Variants in DCHS2 observed in about 807,000 individuals in gnomAD.
DCHS2 encodes the protein protocadherin-23.
A neutral mutation model predicts 182.4 loss-of-function variants in DCHS2; 142 were observed. That is an observed-to-expected ratio of 0.78 (90% confidence interval 0.68 to 0.89). The LOEUF is 0.89. Ranked by LOEUF, DCHS2 falls within the 40% of genes least tolerant of loss-of-function variation. The probability of loss-of-function intolerance (pLI) is 0.00; values close to 1 mark genes in which losing one functional copy is unlikely to be tolerated. For synonymous variants in DCHS2, 1,740 were observed against 1,663.3 expected (o/e 1.05, Z -1.12); for missense variants, 4,319 against 4,198.6 (o/e 1.03, Z -0.79).
intron 1 of DCHS2, among the ~76,000 whole-genome samples, chr4:154,427,439 C>T (rs1167865767): frequency 2.6e-5 from 4 of 152,166 alleles, no homozygotes; most frequent in East Asian, 3.9e-4. Context: ...TTCTCTTTTC[C>T]GTATGTCACT....
At chr4:154,469,009 T>C (rs566424721) in intron 1 of DCHS2, among the ~76,000 whole-genome samples, 17 of 152,186 alleles carry the variant, frequency 1.1e-4, no homozygotes, top group Non-Finnish European at 2.2e-4. Context: ...AACTTACATA[T>C]ATATCAAAAC....
intron 1 of DCHS2, among the ~76,000 whole-genome samples, chr4:154,422,853 C>T (rs1303972220): frequency 6.6e-6 from 1 of 152,162 alleles, no homozygotes; most frequent in East Asian, 1.9e-4. Flanking sequence ...CTTGTCCAGG[C>T]AATTCCCACG....
intron 14 of DCHS2, among the ~76,000 whole-genome samples, chr4:154,268,353 A>G (rs1298435118): frequency 6.6e-6 from 1 of 152,182 alleles, no homozygotes; most frequent in Admixed American, 6.5e-5. Flanking sequence ...CATGAATATA[A>G]GTACTGCAAT....
intron 1 of DCHS2, among the ~76,000 whole-genome samples, chr4:154,440,508 T>C (rs949057570): frequency 6.6e-6 from 1 of 152,194 alleles, no homozygotes; most frequent in Non-Finnish European, 1.5e-5. Flanking sequence ...GAAATTTTAA[T>C]ATTACAGACT....
At chr4:154,428,393 GC>G (rs1241630453) in intron 1 of DCHS2, among the ~76,000 whole-genome samples, 1 of 151,870 alleles carries the variant, frequency 6.6e-6, no homozygotes, top group African/African-American at 2.4e-5. Flanking sequence ...ATAAAAATTA[GC>G]CAGGCGTGGT....
At position 154,234,381 on chromosome 4, in the gene DCHS2, G is replaced by A; in HGVS notation, c.*155C>T. The A allele has an allele frequency of 9.4e-7, 1 of 1,067,858 alleles. No homozygotes were observed. The highest frequency in any genetic ancestry group is 1.9e-5 in the South Asian group (1 of 52,338). 66.1% of individuals were successfully genotyped at this position (1,067,858 alleles called of 1,614,324 possible). A position where few individuals can be genotyped will look rare whatever the true frequency, so the allele number is the denominator to read the frequency against. ...CTTTTCATTAAGGCTGGAAGAAATT[G>A]GAGAAACTTTAATGGGGAAGTTTTA... On this transcript the variant is annotated 3_prime_UTR_variant, in exon 20 of 20. Coordinates refer to ENST00000357232, the MANE Select transcript of DCHS2 (RefSeq NM_001358235.2).
At chr4:154,459,391 GAAAC>G (rs1465524563) in intron 1 of DCHS2, among the ~76,000 whole-genome samples, 1 of 151,678 alleles carries the variant, frequency 6.6e-6, no homozygotes, top group Non-Finnish European at 1.5e-5. Flanking sequence ...TAAAAAAAAA[GAAAC>G]AAAAGAGACT....
Position 154,315,640 on chromosome 4 carries a change from C to A in DCHS2, c.5260+108G>T, listed in dbSNP as rs1735823073. On this transcript the variant is annotated intron_variant, in intron 10 of 19. Coordinates refer to ENST00000357232, the MANE Select transcript of DCHS2 (RefSeq NM_001358235.2). ...AAGAAGTATTACAAATTTGAGATAA[C>A]TAGCAACTGTTCATTTTTTCTGAGC... The A allele has an allele frequency of 7.4e-6, 11 of 1,477,484 alleles. No homozygotes were observed. In the East Asian group the frequency reaches 2.5e-4, roughly 34 times the overall value. 91.5% of individuals were successfully genotyped at this position (1,477,484 alleles called of 1,614,324 possible).
At chr4:154,338,824 A>G (rs1426675671) in intron 3 of DCHS2, among the ~76,000 whole-genome samples, 1 of 152,228 alleles carries the variant, frequency 6.6e-6, no homozygotes, top group Non-Finnish European at 1.5e-5. Context: ...AACAAGTTGC[A>G]AACGTGAGTC....
chr4:154,247,753 G>C lies in DCHS2; in HGVS notation c.6942-4981C>G, dbSNP rs560609932. ...CAGCAATGCCTTCAAAATTCTAAAAGATACTTTCAACTTCTGTATTGTCCA... is the reference window on the plus strand; with the variant it reads ...CAGCAATGCCTTCAAAATTCTAAAACATACTTTCAACTTCTGTATTGTCCA... On this transcript the variant is annotated intron_variant, in intron 16 of 19. Transcript: ENST00000357232. 2.7e-5 allele frequency among the ~76,000 whole-genome samples: 4 copies of C among 150,504 alleles called. No individual in the cohort carries two copies. The East Asian group carries it at 7.7e-4, about 29-fold the overall frequency.
At chr4:154,323,274 T>A (rs1325174256) in intron 7 of DCHS2, 1 of 1,550,086 alleles carries the variant, frequency 6.5e-7, no homozygotes. Context: ...TGTTTGTTTG[T>A]TTTTTGCACG....
At chr4:154,241,179 T>C (rs1211359112) in intron 17 of DCHS2, among the ~76,000 whole-genome samples, 1 of 152,144 alleles carries the variant, frequency 6.6e-6, no homozygotes, top group African/African-American at 2.4e-5. Context: ...TCATGGGGGA[T>C]ATGAATGGGA....
chr4:154,414,210 T>G (rs113926929), intron 1 of DCHS2, among the ~76,000 whole-genome samples: 19,825 of 148,776 alleles, frequency 0.13, 1,486 homozygotes, highest in Non-Finnish European at 0.16. Flanking sequence ...GAGAGAGAGA[T>G]ATAGATATAT....
intron 17 of DCHS2, 49 bp downstream of exon 17, chr4:154,242,593 G>T: frequency 6.3e-7 from 1 of 1,576,032 alleles, no homozygotes; most frequent in South Asian, 1.2e-5. Flanking sequence ...AATGGTAAAT[G>T]ATATTATACA....
rs1468636201 is a variant in DCHS2 at position 154,341,262 on chromosome 4, G to A, written c.2477-6158C>T. Reference sequence around the variant, plus strand: ...CGGGCGCCTGCAGACCCAGCTATTTGGGAGGCTGAGGCAGGAGAATGGCGT... The same window carrying A: ...CGGGCGCCTGCAGACCCAGCTATTTAGGAGGCTGAGGCAGGAGAATGGCGT... On this transcript the variant is annotated intron_variant, in intron 3 of 19. Coordinates refer to ENST00000357232, the MANE Select transcript of DCHS2 (RefSeq NM_001358235.2). Among the ~76,000 whole-genome samples the A allele has an allele frequency of 2.6e-5, 4 of 151,628 alleles. No homozygotes were observed. In the South Asian group the frequency reaches 6.3e-4, roughly 24 times the overall value.
Position 154,490,642 on chromosome 4 carries a change from G to C in DCHS2, c.714C>G (p.Gly238=). Residue 238 remains glycine, a synonymous_variant, in exon 1 of 20, where the codon GGC becomes GGG. Coordinates refer to ENST00000357232, the MANE Select transcript of DCHS2 (RefSeq NM_001358235.2). ...PGPLPSPLLP[G]SSSPLEPLDL... ...CTAGAGGCTCCAGGGGTGACGAGGA[G>C]CCTGGCAAAAGCGGTGACGGTAGTG... 1 of 1,551,176 alleles carries C rather than the reference G, an allele frequency of 6.4e-7. No individual in the cohort carries two copies. Among genetic ancestry groups the C allele is most frequent in the Non-Finnish European group, 8.7e-7 (1 of 1,146,908 alleles).
At chr4:154,488,121 T>A (rs546857164) in intron 1 of DCHS2, among the ~76,000 whole-genome samples, 17 of 152,052 alleles carry the variant, frequency 1.1e-4, no homozygotes, top group Non-Finnish European at 1.9e-4. Context: ...CAGGCTTCAG[T>A]GAGCCATGAT....
intron 10 of DCHS2, among the ~76,000 whole-genome samples, chr4:154,311,998 A>G (rs1399233470): frequency 3.3e-5 from 5 of 151,868 alleles, no homozygotes; most frequent in Non-Finnish European, 7.4e-5. Flanking sequence ...TATTTATAAT[A>G]GAATTTTTTA....
Position 154,235,923 on chromosome 4 carries a change from C to T in DCHS2, c.8729G>A (p.Gly2910Asp), listed in dbSNP as rs1404566677. 4 of 1,613,978 alleles carry T rather than the reference C, an allele frequency of 2.5e-6. No homozygotes were observed. Among genetic ancestry groups the T allele is most frequent in the African/African-American group, 2.7e-5 (2 of 75,008 alleles). The change falls in exon 20 of 20, where the codon GGT becomes GAT. Residue 2910 changes from glycine (G) to aspartate (D), a missense_variant. Gly to Asp is a moderately conservative substitution (Grantham distance 94). Coordinates refer to ENST00000357232, the MANE Select transcript of DCHS2 (RefSeq NM_001358235.2). Reference sequence around the variant, plus strand: ...GGAGTAAAGAATGACTCCATCAATACCAGCATCTGCATCTGAGGCTTCCAC... The same window carrying T: ...GGAGTAAAGAATGACTCCATCAATATCAGCATCTGCATCTGAGGCTTCCAC... The part of the protein sequence containing the change: ...GRVEASDADA[G>D]IDGVILYSLG...
Sources: allele counts gnomAD v4.1 joint callset (sites outside exome capture counted in the v4.1 genomes callset), GRCh38; gene constraint gnomAD v4.1.1; transcripts MANE v1.5; gene names NCBI Gene and HGNC (gene_info 2026-07-23, HGNC 2026-07-21).